The following MAN1C1 variants were observed in gnomAD, a reference collection of about 807,000 sequenced individuals.
The protein encoded by MAN1C1 is mannosidase alpha class 1C member 1, also known as mannosyl-oligosaccharide 1,2-alpha-mannosidase IC.
In MAN1C1, 49 loss-of-function variants were observed where a neutral mutation model predicts 71.5. The ratio of observed to expected loss-of-function variants is 0.69; its 90% CI spans 0.54 to 0.87. MAN1C1 has a LOEUF of 0.87. Among genes scored for constraint, MAN1C1 ranks in the 40% least tolerant of loss-of-function variants. The pLI, the probability that MAN1C1 is intolerant of heterozygous loss-of-function variation, is 0.00. For missense variants in MAN1C1, 743 were observed against 835.0 expected (o/e 0.89, Z 1.36); for synonymous variants, 352 against 343.7 (o/e 1.02, Z -0.27).
intron 5 of MAN1C1, among the ~76,000 whole-genome samples, chr1:25,758,052 G>A (rs556593950): frequency 2.4e-4 from 36 of 152,348 alleles, no homozygotes; most frequent in Admixed American, 2.0e-3. Flanking sequence ...ATTCCAGGCC[G>A]GGGCCATTTC....
At chr1:25,774,032 C>T (rs1184548623) in intron 8 of MAN1C1, among the ~76,000 whole-genome samples, 1 of 152,184 alleles carries the variant, frequency 6.6e-6, no homozygotes, top group African/African-American at 2.4e-5. Context: ...GGTTGGGAAC[C>T]ACCCACCAAA....
At position 25,681,097 on chromosome 1, in the gene MAN1C1, A is replaced by G. The variant is rs562833284; in HGVS notation, c.541-5343A>G. Among the ~76,000 whole-genome samples, 3 of 151,994 alleles carry G rather than the reference A, an allele frequency of 2.0e-5. No homozygotes were observed. The South Asian group carries it at 6.2e-4, about 32-fold the overall frequency. ...AAATCTACTAAAAAAGAAAAAAAGC[A>G]TACCTGTAATCCCAGCTACTCAAGA... On this transcript the variant is annotated intron_variant, in intron 1 of 11. Coordinates refer to ENST00000374332, the MANE Select transcript of MAN1C1 (RefSeq NM_020379.4).
chr1:25,702,195 G>A (rs2046454296), intron 2 of MAN1C1, among the ~76,000 whole-genome samples: 1 of 152,200 alleles, frequency 6.6e-6, no homozygotes, highest in South Asian at 2.1e-4. Context: ...TCCCCGTGGG[G>A]CTGCTTAGAA....
intron 2 of MAN1C1, among the ~76,000 whole-genome samples, chr1:25,718,109 C>G (rs144432127): frequency 6.6e-6 from 1 of 152,312 alleles, no homozygotes; most frequent in Non-Finnish European, 1.5e-5. Flanking sequence ...TGTGTACACA[C>G]TCTTCATGGC....
At chr1:25,763,405 C>T (rs1483311781) in intron 6 of MAN1C1, among the ~76,000 whole-genome samples, 1 of 140,744 alleles carries the variant, frequency 7.1e-6, no homozygotes, top group African/African-American at 2.6e-5. Context: ...ACGAACATTG[C>T]TTGAACCTGG....
intron 6 of MAN1C1, chr1:25,760,224 G>A (rs2047343202): frequency 6.6e-6 from 1 of 152,226 alleles, no homozygotes; most frequent in Non-Finnish European, 1.5e-5. Context: ...ACAACCCTAT[G>A]AGGTGGGTCT....
At chr1:25,768,660 A>C in intron 7 of MAN1C1, among the ~76,000 whole-genome samples, 1 of 100,880 alleles carries the variant, frequency 9.9e-6, no homozygotes, top group Non-Finnish European at 2.0e-5. Context: ...ACACACACAG[A>C]CCCACACACC....
intron 7 of MAN1C1, among the ~76,000 whole-genome samples, chr1:25,767,231 CCA>C (rs1340581341): frequency 5.6e-4 from 78 of 138,878 alleles, no homozygotes; most frequent in African/African-American, 2.1e-3. Flanking sequence ...ACACACACAC[CCA>C]CACTCCCCTC....
At chr1:25,697,577 A>G (rs1007473838) in intron 2 of MAN1C1, among the ~76,000 whole-genome samples, 4 of 152,238 alleles carry the variant, frequency 2.6e-5, no homozygotes, top group Non-Finnish European at 5.9e-5. Flanking sequence ...CTAGGCATGG[A>G]ATTGCTGGCT....
rs759792201 is a variant in MAN1C1 at position 25,746,660 on chromosome 1, G to C, written c.638-8G>C. 6.2e-7 allele frequency: 1 copy of C among 1,603,938 alleles called. No homozygotes were observed. The stretch of plus-strand genomic sequence containing the variant: ...CTGGGTCACACCCTCAATGCTCTGT[G>C]CCTGCAGGAGGCCTCAGCGGGGCAA... On this transcript the variant is annotated splice_polypyrimidine_tract_variant and splice_region_variant and intron_variant, in intron 2 of 11. Coordinates refer to ENST00000374332, the MANE Select transcript of MAN1C1 (RefSeq NM_020379.4). The surrounding 1 kb of genome is among the most constrained non-coding windows in gnomAD (Gnocchi z 4.0).
At chr1:25,773,980 C>T (rs565823581) in intron 8 of MAN1C1, among the ~76,000 whole-genome samples, 5 of 152,222 alleles carry the variant, frequency 3.3e-5, no homozygotes, top group South Asian at 2.1e-4. Flanking sequence ...GCACTGGGCC[C>T]GGGCCACACA....
Position 25,783,893 on chromosome 1 carries a change from C to A in MAN1C1, c.*104C>A. ...TTGGGAACGAAGGCCCCATCTCGGG[C>A]AGACCCCCAGCAGATGTGTCGGACA... On this transcript the variant is annotated 3_prime_UTR_variant, in exon 12 of 12. Coordinates refer to ENST00000374332, the MANE Select transcript of MAN1C1 (RefSeq NM_020379.4). 1 of 1,421,182 alleles carries A rather than the reference C, an allele frequency of 7.0e-7. No individual in the cohort carries two copies. The allele number at this position is 1,421,182 out of a possible 1,614,324, so 88.0% of individuals were successfully genotyped here. A position where few individuals can be genotyped will look rare whatever the true frequency, so the allele number is the denominator to read the frequency against.
intron 1 of MAN1C1, chr1:25,654,327 T>A (rs1408792840): frequency 1.3e-5 from 2 of 152,348 alleles, no homozygotes; most frequent in South Asian, 2.1e-4. Flanking sequence ...GACCCCAGGC[T>A]GTTATACCGA....
chr1:25,774,836 C>A (rs1425111701), intron 8 of MAN1C1, among the ~76,000 whole-genome samples: 1 of 151,696 alleles, frequency 6.6e-6, no homozygotes, highest in Admixed American at 6.6e-5. Flanking sequence ...AAAAAAAAAA[C>A]CCTGGTCTTG....
At position 25,711,689 on chromosome 1, in the gene MAN1C1, A is replaced by C. The variant is rs1280171140; in HGVS notation, c.637+25153A>C. ...GCCCCGCCCCTCCCCTGCGTGCTGCAAGCCTGCCCCGGGCCCCACTTCCTC... is the reference window on the plus strand; with the variant it reads ...GCCCCGCCCCTCCCCTGCGTGCTGCCAGCCTGCCCCGGGCCCCACTTCCTC... On this transcript the variant is annotated intron_variant, in intron 2 of 11. Transcript: ENST00000374332. The surrounding 1 kb of genome is among the most constrained non-coding windows in gnomAD (Gnocchi z 4.3). Among the ~76,000 whole-genome samples the C allele has an allele frequency of 1.8e-5, 2 of 108,464 alleles. No homozygotes were observed. Among genetic ancestry groups the C allele is most frequent in the African/African-American group, 3.7e-5 (1 of 26,802 alleles). 71.2% of individuals were successfully genotyped at this position (108,464 alleles called of 152,430 possible). A position where few individuals can be genotyped will look rare whatever the true frequency, so the allele number is the denominator to read the frequency against.
intron 2 of MAN1C1, among the ~76,000 whole-genome samples, chr1:25,696,698 G>C (rs771933765): frequency 6.6e-6 from 1 of 152,060 alleles, no homozygotes; most frequent in Non-Finnish European, 1.5e-5. Flanking sequence ...CCAGACTGGA[G>C]TGCAGTGGTG....
chr1:25,775,321 TC>T lies in MAN1C1; in HGVS notation c.1258-2779del, dbSNP rs1469741165. Among the ~76,000 whole-genome samples the T allele has an allele frequency of 6.6e-6, 1 of 152,172 alleles. No individual in the cohort carries two copies. Among genetic ancestry groups the T allele is most frequent in the Non-Finnish European group, 1.5e-5 (1 of 68,028 alleles). On this transcript the variant is annotated intron_variant, in intron 8 of 11. Transcript: ENST00000374332. The surrounding 1 kb of genome is among the most constrained non-coding windows in gnomAD (Gnocchi z 5.1). ...GCTGCTCTGCAGGTGTCCTCAGCAC[TC>T]CCCCATGTGGAGCAGGTGCCCTGGC...
In MAN1C1 at chr1:25,730,226, C is replaced by A. The variant is rs1021932459; in HGVS notation, c.638-16442C>A. ...TCTGTCATAATCCCCTCCCTGCTTC[C>A]CTGTCAGTTTTTGACAGTTACCCTG... On this transcript the variant is annotated intron_variant, in intron 2 of 11. Coordinates refer to ENST00000374332, the MANE Select transcript of MAN1C1 (RefSeq NM_020379.4). The surrounding 1 kb of genome is among the most constrained non-coding windows in gnomAD (Gnocchi z 4.3). Among the ~76,000 whole-genome samples the A allele has an allele frequency of 6.6e-6, 1 of 152,100 alleles. No homozygotes were observed.
At chr1:25,659,427 C>T (rs2045814937) in intron 1 of MAN1C1, among the ~76,000 whole-genome samples, 1 of 152,200 alleles carries the variant, frequency 6.6e-6, no homozygotes, top group African/African-American at 2.4e-5. Flanking sequence ...GTGCTGGCTA[C>T]CTCTTTCTCA....
Sources: allele counts gnomAD v4.1 joint callset (sites outside exome capture counted in the v4.1 genomes callset), GRCh38; gene constraint gnomAD v4.1.1; non-coding constraint Gnocchi (gnomAD v3.1); transcripts MANE v1.5; gene names NCBI Gene and HGNC (gene_info 2026-07-23, HGNC 2026-07-21).